Variants in CD8A observed in about 807,000 individuals in gnomAD.
CD8A encodes T-cell surface glycoprotein CD8 alpha chain.
A neutral mutation model predicts 24.2 loss-of-function variants in CD8A; 25 were observed. The ratio of observed to expected loss-of-function variants is 1.03; its 90% CI spans 0.75 to 1.44. The LOEUF is 1.44. Ranked by LOEUF, CD8A falls within the 40% of genes most tolerant of loss-of-function variation. The pLI is 0.00. For synonymous variants in CD8A, 165 were observed against 149.9 expected (o/e 1.10, Z -0.74); for missense variants, 360 against 319.7 (o/e 1.13, Z -0.96).
At chr2:86,795,134 T>G (rs1477855625), upstream of CD8A, among the ~76,000 whole-genome samples, 1 of 152,172 alleles carries the variant, frequency 6.6e-6, no homozygotes, top group Non-Finnish European at 1.5e-5. Context: ...AACCAAACCC[T>G]TGGTCCCTTG....
At chr2:86,792,928 C>A (rs1673359874), upstream of CD8A, among the ~76,000 whole-genome samples, 2 of 151,500 alleles carry the variant, frequency 1.3e-5, no homozygotes, top group East Asian at 3.9e-4. Flanking sequence ...TTAAAAATGT[C>A]TTTTAAGTGA....
rs753493386 is a variant in CD8A, at chr2:86,785,916, A to G, written c.*4T>C. The G allele has an allele frequency of 1.9e-6, 3 of 1,609,236 alleles. No homozygotes were observed. The African/African-American group carries it at 4.0e-5, about 22-fold the overall frequency. On this transcript the variant is annotated 3_prime_UTR_variant, in exon 6 of 6. Coordinates refer to ENST00000283635, the MANE Select transcript of CD8A (RefSeq NM_001768.7). Reference sequence around the variant, plus strand: ...TGAAGTAATGTAGTGGCTGTTGCACAGGGTTAGACGTATCTCGCCGAAAGG... The same window carrying G: ...TGAAGTAATGTAGTGGCTGTTGCACGGGGTTAGACGTATCTCGCCGAAAGG...
chr2:86,786,100 T>G, intron 5 of CD8A, 129 bp from the exon 6 acceptor site: 1 of 786,168 alleles, frequency 1.3e-6, no homozygotes, highest in South Asian at 1.3e-5. Context: ...GGCACCAGCA[T>G]GGGACTGGGT....
intron 2 of CD8A, 82 bp from the exon 3 acceptor site, chr2:86,789,832 A>C: frequency 3.8e-6 from 3 of 792,992 alleles, no homozygotes; most frequent in Non-Finnish European, 5.3e-6. Context: ...ACCTTTCCCC[A>C]CGGGGACGCC....
At chr2:86,791,424 A>G (rs3810831), upstream of CD8A, 81,407 of 432,876 alleles carry the variant, frequency 0.19, 8,769 homozygotes, top group Non-Finnish European at 0.24. Flanking sequence ...TTTCCATGAG[A>G]GCGGCAGCAG....
chr2:86,786,518 C>T (rs1237898625), intron 5 of CD8A, among the ~76,000 whole-genome samples: 2 of 152,218 alleles, frequency 1.3e-5, no homozygotes, highest in South Asian at 2.1e-4. Context: ...TCTAAAACCT[C>T]TCTGTTGAAG....
upstream of CD8A, among the ~76,000 whole-genome samples, chr2:86,794,398 T>C (rs1459293155): frequency 1.3e-5 from 2 of 152,150 alleles, no homozygotes; most frequent in Non-Finnish European, 2.9e-5. Context: ...CAGGGACAAC[T>C]TGGAATCATG....
At chr2:86,789,843 T>C (rs1181525187) in intron 2 of CD8A, 93 bp from the exon 3 acceptor site, 9 of 705,916 alleles carry the variant, frequency 1.3e-5, no homozygotes, top group Admixed American at 4.1e-5. Flanking sequence ...CGGGGACGCC[T>C]CCCCCCGGTT....
rs758030009 is a variant in CD8A at position 86,790,383 on chromosome 2, C to T, written c.348G>A (p.Ser116=). ...RRENEGYYFC[S]ALSNSIMYFS... ...AGTACATGATGGAGTTGCTCAGGGC[C>T]GAGCAGAAATAGTAGCCCTCGTTCT... The change falls in exon 2 of 6, where the codon TCG becomes TCA. Residue 116 remains serine (S), a synonymous_variant. Coordinates refer to ENST00000283635, the MANE Select transcript of CD8A (RefSeq NM_001768.7). 1.2e-6 allele frequency: 2 copies of T among 1,613,946 alleles called. No homozygotes were observed. Among genetic ancestry groups the T allele is most frequent in the African/African-American group, 1.3e-5 (1 of 74,904 alleles).
In CD8A at chr2:86,785,147, T is replaced by G. The variant is rs1432062674; in HGVS notation, c.*773A>C. 2.2e-6 allele frequency: 1 copy of G among 454,124 alleles called. No homozygotes were observed. Among genetic ancestry groups the G allele is most frequent in the Admixed American group, 2.3e-5 (1 of 42,576 alleles). 28.1% of individuals were successfully genotyped at this position (454,124 alleles called of 1,614,324 possible). On this transcript the variant is annotated 3_prime_UTR_variant, in exon 6 of 6. Transcript: ENST00000283635. ...ATGGGCCCCTCTGCAATGCAAGGGC[T>G]GGGAGAGCAATTCCGCCTCCACATA... is the stretch of plus-strand genomic sequence containing the variant.
rs1558732966 is a variant in CD8A at position 86,785,905 on chromosome 2, G to C, written c.*15C>G. 1.3e-6 allele frequency: 2 copies of C among 1,595,634 alleles called. No homozygotes were observed. Among genetic ancestry groups the C allele is most frequent in the African/African-American group, 2.7e-5 (2 of 74,550 alleles). ...GGATCTCAGTTTGAAGTAATGTAGTGGCTGTTGCACAGGGTTAGACGTATC... is the reference window on the plus strand; with the variant it reads ...GGATCTCAGTTTGAAGTAATGTAGTCGCTGTTGCACAGGGTTAGACGTATC... On this transcript the variant is annotated 3_prime_UTR_variant, in exon 6 of 6. Coordinates refer to ENST00000283635, the MANE Select transcript of CD8A (RefSeq NM_001768.7).
In CD8A at chr2:86,790,319, C is replaced by T. The variant is rs1051228668; in HGVS notation, c.403+9G>A. On this transcript the variant is annotated intron_variant, in intron 2 of 5. Transcript: ENST00000283635. ...CACGCGGAGAGGTGCCGCAACCCGG[C>T]GCGCGGACCTGGCAGGAAGACCGGC... The T allele has an allele frequency of 1.2e-6, 2 of 1,605,392 alleles. No homozygotes were observed. The highest frequency in any genetic ancestry group is 1.3e-5 in the African/African-American group (1 of 74,876).
rs1444112062 is a variant in CD8A, at chr2:86,785,383, C to G, written c.*537G>C. ...GCTCTGGGCACAGTATCCCAGGTAT[C>G]AAGAAGTACTTGTTCCCTTGCCGTT... On this transcript the variant is annotated 3_prime_UTR_variant, in exon 6 of 6. Coordinates refer to ENST00000283635, the MANE Select transcript of CD8A (RefSeq NM_001768.7). 1 of 454,338 alleles carries G rather than the reference C, an allele frequency of 2.2e-6. No homozygotes were observed. The highest frequency in any genetic ancestry group is 6.9e-5 in the East Asian group (1 of 14,402). The allele number at this position is 454,338 out of a possible 1,614,324, so 28.1% of individuals were successfully genotyped here.
intron 2 of CD8A, among the ~76,000 whole-genome samples, chr2:86,805,197 T>C (rs951312668): frequency 1.1e-4 from 17 of 152,306 alleles, no homozygotes; most frequent in African/African-American, 3.1e-4. Flanking sequence ...AACTGCCACT[T>C]TCATTTATTC....
At chr2:86,793,362 G>A (rs1019971748), upstream of CD8A, among the ~76,000 whole-genome samples, 2 of 152,228 alleles carry the variant, frequency 1.3e-5, no homozygotes, top group African/African-American at 4.8e-5. Flanking sequence ...AGATGAGGGA[G>A]TTGGGGAAGA....
At chr2:86,794,675 G>A (rs906259424), upstream of CD8A, among the ~76,000 whole-genome samples, 1 of 152,014 alleles carries the variant, frequency 6.6e-6, no homozygotes, top group Non-Finnish European at 1.5e-5. Context: ...TTTCTGCTCT[G>A]GTCCCTTCTA....
At chr2:86,794,773 C>A (rs1034925390), upstream of CD8A, among the ~76,000 whole-genome samples, 1 of 152,064 alleles carries the variant, frequency 6.6e-6, no homozygotes, top group Admixed American at 6.6e-5. Flanking sequence ...CCTAATGTTG[C>A]CTGTGAGGCC....
At chr2:86,789,275 G>T (rs1055232212) in intron 4 of CD8A, 48 bp downstream of exon 4, 3 of 1,237,146 alleles carry the variant, frequency 2.4e-6, no homozygotes, top group Non-Finnish European at 3.6e-6. Flanking sequence ...CAGAGCCAAG[G>T]GCAGGAGCGG....
In CD8A at chr2:86,785,278, A is replaced by T. The variant is rs929527325; in HGVS notation, c.*642T>A. 2.2e-5 allele frequency: 10 copies of T among 445,598 alleles called. No homozygotes were observed. Among genetic ancestry groups the T allele is most frequent in the Non-Finnish European group, 4.5e-5 (10 of 223,620 alleles). 27.6% of individuals were successfully genotyped at this position (445,598 alleles called of 1,614,324 possible). A position where few individuals can be genotyped will look rare whatever the true frequency, so the allele number is the denominator to read the frequency against. On this transcript the variant is annotated 3_prime_UTR_variant, in exon 6 of 6. Transcript: ENST00000283635. ...CTATACAATTTTAGGCTTGATTATAAAAAAAAAAAGTCTGATATTGTTTAC... is the reference window on the plus strand; with the variant it reads ...CTATACAATTTTAGGCTTGATTATATAAAAAAAAAGTCTGATATTGTTTAC...
Sources: gnomAD v4.1 joint callset for allele counts (sites outside exome capture counted in the v4.1 genomes callset) on GRCh38, gnomAD v4.1.1 for gene constraint, MANE v1.5 for transcripts, NCBI Gene and HGNC (gene_info 2026-07-23, HGNC 2026-07-21) for gene names.